CNTNAP2: variants seen among roughly 807,000 people sequenced by gnomAD.
The protein encoded by CNTNAP2 is contactin-associated protein-like 2.
Under a neutral mutation model 155.2 loss-of-function variants are expected in CNTNAP2, and 98 were observed. The observed-to-expected ratio is 0.63, with a 90% confidence interval of 0.54 to 0.75. The LOEUF (loss-of-function observed/expected upper bound fraction) is 0.75, where lower values mean the gene tolerates loss of function less well. Among genes scored for constraint, CNTNAP2 ranks in the 30% least tolerant of loss-of-function variants. The pLI, the probability that CNTNAP2 is intolerant of heterozygous loss-of-function variation, is 0.00. For synonymous variants in CNTNAP2, 651 were observed against 631.2 expected (o/e 1.03, Z -0.47); for missense variants, 1,727 against 1,688.1 (o/e 1.02, Z -0.40).
At chr7:146,618,494 A>G (rs772667837) in intron 1 of CNTNAP2, among the ~76,000 whole-genome samples, 7 of 152,188 alleles carry the variant, frequency 4.6e-5, no homozygotes, top group Non-Finnish European at 8.8e-5. Context: ...GAATATTGCC[A>G]TAATTTTGGG....
rs145162968 is a variant in CNTNAP2 at position 146,839,739 on chromosome 7, C to A, written c.237C>A (p.Ser79Arg). ...GGAGGWSPSDSDHYQWLQVDF... is the reference protein window; with the variant it reads ...GGAGGWSPSDRDHYQWLQVDF... Reference sequence around the variant, plus strand: ...CTGGGGGATGGTCTCCATCAGACAGCGACCATTATCAATGGCTTCAGGTTG... The same window carrying A: ...CTGGGGGATGGTCTCCATCAGACAGAGACCATTATCAATGGCTTCAGGTTG... Residue 79 changes from serine (S) to arginine (R), a missense_variant, in exon 3 of 24, where the codon AGC (serine) becomes AGA (arginine). By Grantham distance (110) the Ser-to-Arg change is moderately radical. Coordinates refer to ENST00000361727, the MANE Select transcript of CNTNAP2 (RefSeq NM_014141.6). 6.2e-7 allele frequency: 1 copy of A among 1,614,160 alleles called. No individual in the cohort carries two copies. The highest frequency in any genetic ancestry group is 8.5e-7 in the Non-Finnish European group (1 of 1,180,024).
chr7:147,698,939 A>G (rs1796197483), intron 13 of CNTNAP2, among the ~76,000 whole-genome samples: 1 of 152,110 alleles, frequency 6.6e-6, no homozygotes, highest in Admixed American at 6.6e-5. Flanking sequence ...ATCAACAACA[A>G]CCTTTCAAGT....
chr7:146,791,930 C>T (rs955304875), intron 2 of CNTNAP2, among the ~76,000 whole-genome samples: 3 of 152,168 alleles, frequency 2.0e-5, no homozygotes, highest in African/African-American at 7.2e-5. Flanking sequence ...GGGAATCCCC[C>T]CTACTATTTT....
intron 3 of CNTNAP2, among the ~76,000 whole-genome samples, chr7:146,913,220 T>C (rs1796324597): frequency 6.6e-6 from 1 of 152,078 alleles, no homozygotes; most frequent in African/African-American, 2.4e-5. Context: ...TAGGTACTAG[T>C]AGTTGGCCAG....
At chr7:146,600,628 A>T (rs1338023183) in intron 1 of CNTNAP2, among the ~76,000 whole-genome samples, 1 of 152,084 alleles carries the variant, frequency 6.6e-6, no homozygotes, top group Admixed American at 6.6e-5. Context: ...GTGTGTTTGT[A>T]TCCAGGCATG....
At chr7:147,391,280 C>T (rs1796712637) in intron 9 of CNTNAP2, among the ~76,000 whole-genome samples, 1 of 152,152 alleles carries the variant, frequency 6.6e-6, no homozygotes, top group Non-Finnish European at 1.5e-5. Context: ...GATTAGAACT[C>T]AGTCATGCTG....
intron 10 of CNTNAP2, among the ~76,000 whole-genome samples, chr7:147,480,207 A>T (rs1418839688): frequency 6.6e-6 from 1 of 152,232 alleles, no homozygotes; most frequent in Admixed American, 6.5e-5. Flanking sequence ...TGCTGAGATG[A>T]AGGGAACAAC....
intron 14 of CNTNAP2, among the ~76,000 whole-genome samples, chr7:147,933,878 A>G (rs1007451586): frequency 1.3e-5 from 2 of 152,186 alleles, no homozygotes; most frequent in Middle Eastern, 3.2e-3. Context: ...ACAAAAAGAA[A>G]GAAAAAGAAA....
chr7:146,507,212 T>C (rs1797397278), intron 1 of CNTNAP2, among the ~76,000 whole-genome samples: 1 of 152,218 alleles, frequency 6.6e-6, no homozygotes, highest in African/African-American at 2.4e-5. Context: ...GGGTGGCATA[T>C]ACAGTTGTTA....
chr7:147,924,153 T>TTTTTTTC (rs2116785898), intron 14 of CNTNAP2, among the ~76,000 whole-genome samples: 1 of 149,448 alleles, frequency 6.7e-6, no homozygotes, highest in African/African-American at 2.5e-5. Context: ...CTTTTTTTTT[T>TTTTTTTC]TTTGAGACAG....
chr7:146,596,630 AGAGAG>A (rs1798864829), intron 1 of CNTNAP2, among the ~76,000 whole-genome samples: 1 of 149,416 alleles, frequency 6.7e-6, no homozygotes, highest in East Asian at 2.0e-4. Flanking sequence ...AGAGAGAGAG[AGAGAG>A]AGAGAAATTG....
Position 146,535,298 on chromosome 7 carries a change from T to G in CNTNAP2, c.98-238973T>G, listed in dbSNP as rs1182411328. 6.6e-5 allele frequency among the ~76,000 whole-genome samples: 4 copies of G among 60,756 alleles called. 1 individual carries two copies. In the Admixed American group the frequency reaches 6.8e-4, roughly 10 times the overall value. 39.9% of individuals were successfully genotyped at this position (60,756 alleles called of 152,430 possible). A position where few individuals can be genotyped will look rare whatever the true frequency, so the allele number is the denominator to read the frequency against. ...ATATATTATATTATATAATGTATAT[T>G]ATATATGATATTATATCATATATAT... On this transcript the variant is annotated intron_variant, in intron 1 of 23. Coordinates refer to ENST00000361727, the MANE Select transcript of CNTNAP2 (RefSeq NM_014141.6).
chr7:148,011,413 G>A (rs933251672), intron 15 of CNTNAP2, among the ~76,000 whole-genome samples: 11 of 151,926 alleles, frequency 7.2e-5, no homozygotes, highest in East Asian at 1.9e-4. Context: ...ATTTTCTCAC[G>A]GTTTTCATTT....
intron 1 of CNTNAP2, among the ~76,000 whole-genome samples, chr7:146,307,123 T>C (rs1800727387): frequency 1.3e-5 from 2 of 152,184 alleles, no homozygotes; most frequent in African/African-American, 2.4e-5. Flanking sequence ...GATAAGCAAC[T>C]TCAGCAGTCT....
At chr7:148,031,689 G>T (rs1013455691) in intron 15 of CNTNAP2, among the ~76,000 whole-genome samples, 1 of 152,162 alleles carries the variant, frequency 6.6e-6, no homozygotes, top group African/African-American at 2.4e-5. Context: ...CAGGGGAATA[G>T]CCTTCCTGGG....
At chr7:146,661,735 T>TTC (rs1800093172) in intron 1 of CNTNAP2, among the ~76,000 whole-genome samples, 1 of 151,250 alleles carries the variant, frequency 6.6e-6, no homozygotes, top group South Asian at 2.1e-4. Flanking sequence ...TTTCTTTCTT[T>TTC]TTTTTTTTTA....
At chr7:148,196,686 G>A (rs1230336635) in intron 18 of CNTNAP2, among the ~76,000 whole-genome samples, 1 of 152,182 alleles carries the variant, frequency 6.6e-6, no homozygotes, top group Non-Finnish European at 1.5e-5. Context: ...TGCTCAAAGT[G>A]ACCCATCTCT....
chr7:148,275,381 G>A (rs1394434500), intron 21 of CNTNAP2, among the ~76,000 whole-genome samples: 1 of 152,168 alleles, frequency 6.6e-6, no homozygotes, highest in East Asian at 1.9e-4. Context: ...ACAGAAGCTG[G>A]GACCCTAATG....
At chr7:147,096,704 A>G (rs1056446919) in intron 4 of CNTNAP2, among the ~76,000 whole-genome samples, 1 of 152,192 alleles carries the variant, frequency 6.6e-6, no homozygotes, top group Non-Finnish European at 1.5e-5. Context: ...TCTCGCCACA[A>G]GTTGTGTAAG....
Sources: allele counts gnomAD v4.1 joint callset (sites outside exome capture counted in the v4.1 genomes callset), GRCh38; gene constraint gnomAD v4.1.1; transcripts MANE v1.5; gene names NCBI Gene and HGNC (gene_info 2026-07-23, HGNC 2026-07-21).